The following RHBDF2 variants were observed in gnomAD, a reference collection of about 807,000 sequenced individuals.
RHBDF2 encodes inactive rhomboid protein 2.
RHBDF2 carries 38 observed loss-of-function variants against 95.2 expected under a neutral mutation model. The ratio of observed to expected loss-of-function variants is 0.40; its 90% CI spans 0.31 to 0.52. The LOEUF is 0.52. RHBDF2 is among the 20% of genes least tolerant of loss of function. The pLI, the probability that RHBDF2 is intolerant of heterozygous loss-of-function variation, is 0.56. For missense variants in RHBDF2, 863 were observed against 1,137.7 expected, an observed-to-expected ratio of 0.76 and a Z score of 3.47; for synonymous variants, 442 against 462.0, an observed-to-expected ratio of 0.96 and a Z score of 0.55.
rs1268621560 is a variant in RHBDF2 at position 76,479,589 on chromosome 17, A to G, written c.272+144T>C. The G allele has an allele frequency of 8.3e-6, 6 of 726,884 alleles. No homozygotes were observed. The Admixed American group carries it at 1.0e-4, about 13-fold the overall frequency. The allele number at this position is 726,884 out of a possible 1,614,324, so 45.0% of individuals were successfully genotyped here. A position where few individuals can be genotyped will look rare whatever the true frequency, so the allele number is the denominator to read the frequency against. On this transcript the variant is annotated intron_variant, in intron 4 of 18. Coordinates refer to ENST00000675367, the MANE Select transcript of RHBDF2 (RefSeq NM_001005498.4). ...ATTTCCCCATCTATACCATGATAATAGGCCACAGGGAGACATTGCTCATTA... is the reference window on the plus strand; with the variant it reads ...ATTTCCCCATCTATACCATGATAATGGGCCACAGGGAGACATTGCTCATTA...
chr17:76,471,747 G>A lies in RHBDF2; in HGVS notation c.2370C>T (p.Leu790=), dbSNP rs563507854. Residue 790 remains leucine, a synonymous_variant, in exon 19 of 19, where the codon CTC becomes CTT. Coordinates refer to ENST00000675367, the MANE Select transcript of RHBDF2 (RefSeq NM_001005498.4). ...LLAFAGLFAA[L]VLWLYIYPIN... is the part of the protein sequence containing the mutation. Reference sequence around the variant, plus strand: ...TGGGGTAGATGTACAGCCACAGCACGAGGGCGGCGAAGAGGCCGGCAAAGG... The same window carrying A: ...TGGGGTAGATGTACAGCCACAGCACAAGGGCGGCGAAGAGGCCGGCAAAGG... The A allele has an allele frequency of 7.4e-6, 12 of 1,610,792 alleles. No homozygotes were observed. Among genetic ancestry groups the A allele is most frequent in the Admixed American group, 5.0e-5 (3 of 59,482 alleles).
intron 4 of RHBDF2, 175 bp downstream of exon 4, chr17:76,479,558 A>G (rs1567878919): frequency 6.8e-6 from 5 of 732,182 alleles, no homozygotes; most frequent in Non-Finnish European, 9.6e-6. Context: ...CGCAAAGCAC[A>G]TACCCATTTC....
At chr17:76,485,149 T>A (rs571320171) in intron 2 of RHBDF2, among the ~76,000 whole-genome samples, 1 of 152,218 alleles carries the variant, frequency 6.6e-6, no homozygotes, top group South Asian at 2.1e-4. Context: ...GGCTCATGCC[T>A]GTAATCCCAG....
At chr17:76,489,414 C>T (rs1171328874) in intron 1 of RHBDF2, among the ~76,000 whole-genome samples, 2 of 151,506 alleles carry the variant, frequency 1.3e-5, no homozygotes, top group African/African-American at 4.8e-5. Context: ...AGCACCGCCT[C>T]CCGGGTTCAC....
intron 4 of RHBDF2, 159 bp from the exon 5 acceptor site, chr17:76,479,436 G>A: frequency 9.2e-7 from 1 of 1,087,514 alleles, no homozygotes; most frequent in South Asian, 1.3e-5. Flanking sequence ...GTGACCAGAT[G>A]AGCAGAAGCA....
chr17:76,480,267 G>C (rs2073925800), intron 3 of RHBDF2, among the ~76,000 whole-genome samples: 1 of 147,068 alleles, frequency 6.8e-6, no homozygotes, highest in Admixed American at 6.8e-5. Context: ...ATTTTTAGTA[G>C]AGACGGGGTT....
At chr17:76,485,084 C>T (rs1193480213) in intron 2 of RHBDF2, among the ~76,000 whole-genome samples, 1 of 152,056 alleles carries the variant, frequency 6.6e-6, no homozygotes, top group Non-Finnish European at 1.5e-5. Flanking sequence ...CCAGCCTGGC[C>T]AACATGGTGA....
At chr17:76,481,628 G>A in intron 2 of RHBDF2, 83 bp from the exon 3 acceptor site, 6 of 1,301,272 alleles carry the variant, frequency 4.6e-6, no homozygotes, top group Non-Finnish European at 6.3e-6. Flanking sequence ...ACGCAGCCCA[G>A]ACCAAGAACC....
At chr17:76,491,437 G>GT (rs2074296941) in intron 1 of RHBDF2, among the ~76,000 whole-genome samples, 1 of 152,066 alleles carries the variant, frequency 6.6e-6, no homozygotes, top group Admixed American at 6.5e-5. Flanking sequence ...TCAGTTGGGG[G>GT]GGGGTCCCGA....
intron 10 of RHBDF2, 29 bp downstream of exon 10, chr17:76,475,001 C>A: frequency 6.5e-7 from 1 of 1,528,988 alleles, no homozygotes; most frequent in Non-Finnish European, 8.9e-7. Context: ...GAGGCTGGGA[C>A]CCCCAGCATG....
At chr17:76,474,584 G>A (rs775470628) in intron 11 of RHBDF2, 50 bp from the exon 12 acceptor site, 1 of 1,611,462 alleles carries the variant, frequency 6.2e-7, no homozygotes, top group Non-Finnish European at 8.5e-7. Flanking sequence ...CCCAGACCTG[G>A]GAGGGGTCCA....
At position 76,475,132 on chromosome 17, in the gene RHBDF2, G is replaced by A; in HGVS notation, c.1125C>T (p.Phe375=). 1 of 1,592,388 alleles carries A rather than the reference G, an allele frequency of 6.3e-7. No homozygotes were observed. The highest frequency in any genetic ancestry group is 8.5e-7 in the Non-Finnish European group (1 of 1,170,270). Residue 375 remains phenylalanine (F), a synonymous_variant, in exon 10 of 19, where the codon TTC becomes TTT. Coordinates refer to ENST00000675367, the MANE Select transcript of RHBDF2 (RefSeq NM_001005498.4). ...LESFDSHRPY[F]TYWLTFVHVI... Reference sequence around the variant, plus strand: ...CATGGACGAAGGTCAGCCAGTAGGTGAAGTAGGGCCTGTGCAGAGACACCT... The same window carrying A: ...CATGGACGAAGGTCAGCCAGTAGGTAAAGTAGGGCCTGTGCAGAGACACCT...
intron 9 of RHBDF2, chr17:76,476,528 T>G: frequency 2.9e-6 from 1 of 344,120 alleles, no homozygotes; most frequent in Non-Finnish European, 5.3e-6. Flanking sequence ...GGGTTCCATT[T>G]TAGGGCCTGC....
At position 76,481,431 on chromosome 17, in the gene RHBDF2, G is replaced by A. The variant is rs1246844090; in HGVS notation, c.94C>T (p.Pro32Ser). 6.2e-7 allele frequency: 1 copy of A among 1,612,774 alleles called. No homozygotes were observed. Among genetic ancestry groups the A allele is most frequent in the Non-Finnish European group, 8.5e-7 (1 of 1,180,012 alleles). Residue 32 changes from proline (P) to serine (S), a missense_variant, in exon 3 of 19, where the codon CCG (proline) becomes TCG (serine). By Grantham distance (74) the Pro-to-Ser change is moderately conservative. Transcript: ENST00000675367. Reference protein sequence around the residue: ...RKPPNLSITIPPPEKETQAPG... With the variant: ...RKPPNLSITISPPEKETQAPG... ...GCCTGGGTCTCTTTCTCGGGTGGCG[G>A]GATGGTGATGGAGAGGTTGGGTGGC...
At position 76,479,893 on chromosome 17, in the gene RHBDF2, C is replaced by A. The variant is rs3809694; in HGVS notation, c.151-39G>T. On this transcript the variant is annotated intron_variant, in intron 3 of 18. Transcript: ENST00000675367. ...GAGGGAGGGCAGGCGGTGGTGTGTG[C>A]AGCCCAGGTCCTGGGCTGGCTTTTC... The A allele has an allele frequency of 0.47, 747,952 of 1,606,028 alleles. 177,075 individuals are homozygous for A. The highest frequency in any genetic ancestry group is 0.62 in the East Asian group (27,831 of 44,600).
At chr17:76,472,979 T>A (rs1462134475) in intron 17 of RHBDF2, 26 bp downstream of exon 17, 1 of 1,609,884 alleles carries the variant, frequency 6.2e-7, no homozygotes, top group Non-Finnish European at 8.5e-7. Context: ...AGGGGTCGGG[T>A]TCGGGGGCAG....
At chr17:76,498,555 CCTT>C (rs35976438) in intron 1 of RHBDF2, among the ~76,000 whole-genome samples, 3,144 of 152,310 alleles carry the variant, frequency 0.021, 62 homozygotes, top group South Asian at 0.11. Context: ...GTGCACAGCT[CCTT>C]GACTTCTGCT....
At chr17:76,474,678 CAG>C in intron 11 of RHBDF2, 50 bp downstream of exon 11, 1 of 1,614,034 alleles carries the variant, frequency 6.2e-7, no homozygotes, top group Non-Finnish European at 8.5e-7. Context: ...CTGGGAGTGA[CAG>C]GGCACAGGGA....
chr17:76,475,610 T>TCTCG (rs1464744449), intron 9 of RHBDF2, among the ~76,000 whole-genome samples: 2 of 150,902 alleles, frequency 1.3e-5, no homozygotes, highest in African/African-American at 2.4e-5. Context: ...TGAGACAGAG[T>TCTCG]CTCGCTCTGT....
Sources: gnomAD v4.1 joint callset for allele counts (sites outside exome capture counted in the v4.1 genomes callset) on GRCh38, gnomAD v4.1.1 for gene constraint, MANE v1.5 for transcripts, NCBI Gene and HGNC (gene_info 2026-07-23, HGNC 2026-07-21) for gene names.